PRP4K: variants seen among roughly 807,000 people sequenced by gnomAD.
The protein encoded by PRP4K is serine/threonine-protein kinase PRP4 homolog.
chr6:4,043,564 C>G, the PRP4K span, among the ~76,000 whole-genome samples: 4 of 152,112 alleles, frequency 2.6e-5, no homozygotes, highest in African/African-American at 9.7e-5. Context: ...TAAATGGTGC[C>G]TCATCTGATC....
the PRP4K span, among the ~76,000 whole-genome samples, chr6:4,027,293 G>T: frequency 6.6e-6 from 1 of 152,130 alleles, no homozygotes; most frequent in African/African-American, 2.4e-5. Context: ...AACACTTAGT[G>T]TGACAGCCTT....
chr6:4,043,577 G>T, the PRP4K span, among the ~76,000 whole-genome samples: 1 of 152,270 alleles, frequency 6.6e-6, no homozygotes, highest in South Asian at 2.1e-4. Context: ...ATCTGATCAG[G>T]TCCAGTGCTG....
At chr6:4,058,615 CA>C in the PRP4K span, 2 of 816,748 alleles carry the variant, frequency 2.4e-6, no homozygotes, top group East Asian at 5.5e-5. Context: ...TGAGATCAAA[CA>C]AACCTACAGA....
the PRP4K span, chr6:4,043,861 C>G: frequency 1.2e-6 from 2 of 1,614,136 alleles, no homozygotes; most frequent in Non-Finnish European, 1.7e-6. Context: ...GCCATCTGAA[C>G]CAAGCAGCCC....
chr6:4,023,957 C>T, the PRP4K span, among the ~76,000 whole-genome samples: 18 of 151,618 alleles, frequency 1.2e-4, no homozygotes, highest in African/African-American at 3.9e-4. Context: ...ACCTTGGACT[C>T]CCTGGTTCAA....
the PRP4K span, among the ~76,000 whole-genome samples, chr6:4,030,700 G>A: frequency 6.6e-6 from 1 of 152,172 alleles, no homozygotes; most frequent in East Asian, 1.9e-4. Flanking sequence ...GGGAAACTGA[G>A]TTCTCATTTG....
the PRP4K span, chr6:4,058,719 G>A: frequency 2.5e-6 from 4 of 1,610,226 alleles, no homozygotes; most frequent in Admixed American, 5.0e-5. Context: ...TTTTTGTTTT[G>A]TTTTGTAGAT....
the PRP4K span, chr6:4,052,641 A>G: frequency 1.7e-6 from 2 of 1,188,870 alleles, no homozygotes; most frequent in Non-Finnish European, 2.3e-6. Context: ...TTATGCTTGC[A>G]AATGTTTTTG....
chr6:4,021,334 C>T, the PRP4K span: 8 of 1,521,084 alleles, frequency 5.3e-6, no homozygotes, highest in Non-Finnish European at 7.1e-6. Context: ...TCGGCACATG[C>T]GCGGCAGCTC....
the PRP4K span, chr6:4,037,576 G>A: frequency 6.2e-7 from 1 of 1,611,018 alleles, no homozygotes; most frequent in Non-Finnish European, 8.5e-7. Context: ...AGAAGGTAAA[G>A]ACATTTCATC....
the PRP4K span, chr6:4,058,856 T>C: frequency 6.9e-7 from 1 of 1,443,128 alleles, no homozygotes; most frequent in Non-Finnish European, 9.6e-7. Flanking sequence ...ATTTTATTGT[T>C]AACTGAGTAC....
At chr6:4,042,074 A>G in the PRP4K span, among the ~76,000 whole-genome samples, 2 of 152,224 alleles carry the variant, frequency 1.3e-5, no homozygotes, top group Non-Finnish European at 2.9e-5. Context: ...ATAGGGAAGT[A>G]CGGGTATAGC....
chr6:4,031,665 C>T, the PRP4K span: 1 of 1,606,836 alleles, frequency 6.2e-7, no homozygotes, highest in South Asian at 1.1e-5. Context: ...GAAGCATAAA[C>T]ACAGAAGTAA....
At chr6:4,027,697 A>G in the PRP4K span, among the ~76,000 whole-genome samples, 1 of 150,860 alleles carries the variant, frequency 6.6e-6, no homozygotes, top group South Asian at 2.1e-4. Flanking sequence ...TCAGGTAGGT[A>G]CTATTGTTTT....
the PRP4K span, among the ~76,000 whole-genome samples, chr6:4,050,707 G>A: frequency 1.4e-3 from 212 of 152,174 alleles, 1 homozygote; most frequent in African/African-American, 4.0e-3. Context: ...TTGAAATGTT[G>A]GAAATAAGTG....
the PRP4K span, among the ~76,000 whole-genome samples, chr6:4,031,171 T>G: frequency 6.6e-6 from 1 of 152,326 alleles, no homozygotes; most frequent in Non-Finnish European, 1.5e-5. Flanking sequence ...GCCCTTTGGT[T>G]GTTAATGTGT....
At chr6:4,044,677 T>C in the PRP4K span, among the ~76,000 whole-genome samples, 5 of 152,066 alleles carry the variant, frequency 3.3e-5, no homozygotes, top group African/African-American at 4.8e-5. Context: ...CCCAGCCCTT[T>C]AGTATTCAAT....
chr6:4,032,809 G>T, the PRP4K span: 1 of 1,419,390 alleles, frequency 7.0e-7, no homozygotes, highest in Non-Finnish European at 9.2e-7. Context: ...GATTTTAAAC[G>T]GAAAACTAGA....
chr6:4,046,337 AT>A, the PRP4K span, among the ~76,000 whole-genome samples: 6 of 152,326 alleles, frequency 3.9e-5, no homozygotes, highest in East Asian at 1.2e-3. Context: ...GAGGTCAGAA[AT>A]TGATACCTCA....
Sources: allele counts gnomAD v4.1 joint callset (sites outside exome capture counted in the v4.1 genomes callset), GRCh38; gene constraint gnomAD v4.1.1; transcripts MANE v1.5; gene names NCBI Gene and HGNC (gene_info 2026-07-23, HGNC 2026-07-21).